The following CHD1L variants were observed in gnomAD, a reference collection of about 807,000 sequenced individuals.
The protein encoded by CHD1L is chromodomain helicase DNA binding protein 1 like, also known as ATP-dependent chromatin remodeler CHD1L.
In CHD1L, 118 loss-of-function variants were observed where a neutral mutation model predicts 115.9. That is an observed-to-expected ratio of 1.02 (90% CI 0.88 to 1.19). CHD1L has a LOEUF of 1.19. Among genes scored for constraint, CHD1L ranks in the 50% most tolerant of loss-of-function variants. CHD1L has a pLI of 0.00. For missense variants in CHD1L, 1,179 were observed against 1,065.3 expected (o/e 1.11, Z -1.49); for synonymous variants, 411 against 387.1 (o/e 1.06, Z -0.72).
the CHD1L span, chr1:147,203,610 C>T: frequency 1.7e-6 from 2 of 1,202,142 alleles, no homozygotes; most frequent in South Asian, 1.2e-5. Flanking sequence ...AACGCCTCAG[C>T]AAACTTCTTA....
At chr1:147,272,043 C>T (rs1676441152) in intron 11 of CHD1L, 128 bp from the exon 12 acceptor site, 2 of 607,034 alleles carry the variant, frequency 3.3e-6, no homozygotes, top group South Asian at 2.6e-5. Context: ...TTGGGATTTG[C>T]TTAAAGTAGG....
Position 147,256,574 on chromosome 1 carries a change from G to T in CHD1L, c.494+12G>T, listed in dbSNP as rs1346872367. On this transcript the variant is annotated intron_variant, in intron 5 of 22. Transcript: ENST00000369258. ...TCATTTCTAAAATCGTGAGTAGGTT[G>T]TACTATTTAAGAACTTGGGTTGAAT... The T allele has an allele frequency of 1.2e-6, 2 of 1,611,370 alleles. No individual in the cohort carries two copies. The highest frequency in any genetic ancestry group is 1.1e-5 in the South Asian group (1 of 90,752).
chr1:147,294,656 G>A, intron 22 of CHD1L, 139 bp downstream of exon 22: 1 of 567,820 alleles, frequency 1.8e-6, no homozygotes, highest in Non-Finnish European at 3.0e-6. Flanking sequence ...GTGAGACAAA[G>A]AAAGAAGCAC....
In CHD1L at chr1:147,242,782, G is replaced by A. The variant is rs1665130885; in HGVS notation, c.79G>A (p.Glu27Lys). 2.4e-6 allele frequency: 3 copies of A among 1,272,164 alleles called. No individual in the cohort carries two copies. Among genetic ancestry groups the A allele is most frequent in the African/African-American group, 1.5e-5 (1 of 65,600 alleles). The allele number at this position is 1,272,164 out of a possible 1,614,324, so 78.8% of individuals were successfully genotyped here. Residue 27 changes from glutamate (E) to lysine (K), a missense_variant, in exon 1 of 23, where the codon GAG becomes AAG. Coordinates refer to ENST00000369258, the MANE Select transcript of CHD1L (RefSeq NM_004284.6). ...GCGGCTTCATACTGAGGGCCGAGCC[G>A]AGGCGGCGCGGGTGCAGGAGCAGGA... Reference protein sequence around the residue: ...LLRLHTEGRAEAARVQEQDLR... With the variant: ...LLRLHTEGRAKAARVQEQDLR...
At chr1:147,260,221 G>A in intron 6 of CHD1L, 1 of 233,608 alleles carries the variant, frequency 4.3e-6, no homozygotes. Context: ...CATTCTGTAG[G>A]TTTGGACAAA....
In CHD1L at chr1:147,242,711, G is replaced by T; in HGVS notation, c.8G>T (p.Arg3Leu). The T allele has an allele frequency of 7.9e-7, 1 of 1,258,486 alleles. No homozygotes were observed. The allele number at this position is 1,258,486 out of a possible 1,614,324, so 78.0% of individuals were successfully genotyped here. The change falls in exon 1 of 23, where the codon CGC (arginine) becomes CTC (leucine). Residue 3 changes from arginine to leucine, a missense_variant. Arg to Leu is a moderately radical substitution (Grantham distance 102, BLOSUM62 -2). Coordinates refer to ENST00000369258, the MANE Select transcript of CHD1L (RefSeq NM_004284.6). The stretch of plus-strand genomic sequence containing the variant: ...GGGGCCTCTACCGGCCCGATGGAGC[G>T]CGCGGGCGCTACTAGCCGCGGGGGC... Reference protein sequence around the residue: MERAGATSRGGQA... With the variant: MELAGATSRGGQA...
chr1:147,241,094 C>T (rs1191131985), upstream of CHD1L, among the ~76,000 whole-genome samples: 1 of 151,974 alleles, frequency 6.6e-6, no homozygotes, highest in African/African-American at 2.4e-5. Flanking sequence ...TATTGCTTGT[C>T]TCCTCCTTTT....
chr1:147,222,350 A>T, the CHD1L span, among the ~76,000 whole-genome samples: 1 of 152,246 alleles, frequency 6.6e-6, no homozygotes, highest in Non-Finnish European at 1.5e-5. Context: ...CCTGGGTAAC[A>T]GAGTGAGACT....
chr1:147,243,702 A>T (rs1665668774), intron 1 of CHD1L, among the ~76,000 whole-genome samples: 1 of 152,172 alleles, frequency 6.6e-6, no homozygotes, highest in Admixed American at 6.5e-5. Context: ...CAGTAATAAT[A>T]CAGTCGTTTA....
intron 12 of CHD1L, 64 bp from the exon 13 acceptor site, chr1:147,275,290 G>A: frequency 1.6e-6 from 2 of 1,222,794 alleles, no homozygotes; most frequent in South Asian, 1.2e-5. Context: ...CTCTAGCCTT[G>A]TGCTTATTTT....
intron 12 of CHD1L, 79 bp from the exon 13 acceptor site, chr1:147,275,275 A>AC (rs1677907373): frequency 2.0e-6 from 2 of 1,014,750 alleles, no homozygotes; most frequent in African/African-American, 3.2e-5. Flanking sequence ...TATCAGTCTG[A>AC]CCCACTCTAG....
the CHD1L span, among the ~76,000 whole-genome samples, chr1:147,236,933 C>T: frequency 1.1e-4 from 16 of 152,336 alleles, no homozygotes; most frequent in African/African-American, 3.4e-4. Flanking sequence ...GGTAGGTCTT[C>T]ACCGGTGACC....
chr1:147,295,363 A>G, intron 22 of CHD1L, 68 bp from the exon 23 acceptor site: 2 of 987,010 alleles, frequency 2.0e-6, no homozygotes, highest in Non-Finnish European at 3.2e-6. Flanking sequence ...TAATTACTAG[A>G]GAACTAGTCG....
chr1:147,263,695 CCTT>C (rs1156684833), intron 6 of CHD1L, among the ~76,000 whole-genome samples: 4 of 151,810 alleles, frequency 2.6e-5, no homozygotes, highest in African/African-American at 7.3e-5. Flanking sequence ...ACCTTCCTAA[CCTT>C]CTACTTCATG....
At chr1:147,276,278 C>A (rs374253741) in intron 14 of CHD1L, 21 bp downstream of exon 14, 1 of 1,613,350 alleles carries the variant, frequency 6.2e-7, no homozygotes, top group South Asian at 1.1e-5. Flanking sequence ...ATATACTGTT[C>A]TTCACTTTGG....
chr1:147,291,360 AG>A lies in CHD1L; in HGVS notation c.2321-119del, dbSNP rs1323317494. ...TTGACTGAGGCCAGGAAAGTGAGAA[AG>A]GGCTGTGTAGGAAGGTGGGTCCTGA... On this transcript the variant is annotated intron_variant, in intron 19 of 22. Coordinates refer to ENST00000369258, the MANE Select transcript of CHD1L (RefSeq NM_004284.6). The A allele has an allele frequency of 6.6e-6, 5 of 758,252 alleles. No individual in the cohort carries two copies. The African/African-American group carries it at 8.6e-5, about 13-fold the overall frequency. 47.0% of individuals were successfully genotyped at this position (758,252 alleles called of 1,614,324 possible). A position where few individuals can be genotyped will look rare whatever the true frequency, so the allele number is the denominator to read the frequency against.
intron 1 of CHD1L, among the ~76,000 whole-genome samples, chr1:147,248,445 A>C (rs1667332994): frequency 6.6e-6 from 1 of 151,940 alleles, no homozygotes; most frequent in African/African-American, 2.4e-5. Context: ...CTACCTCAGG[A>C]GATCCTCCCG....
intron 10 of CHD1L, among the ~76,000 whole-genome samples, chr1:147,270,159 C>T (rs1675575355): frequency 6.6e-6 from 1 of 152,206 alleles, no homozygotes; most frequent in Admixed American, 6.5e-5. Context: ...TTTCCTCTTA[C>T]ACTTGTTGCA....
the CHD1L span, among the ~76,000 whole-genome samples, chr1:147,196,512 A>G: frequency 2.6e-5 from 4 of 152,054 alleles, no homozygotes; most frequent in African/African-American, 9.7e-5. Flanking sequence ...AAAAAACCCT[A>G]TCTATTACCC....
Sources: allele counts gnomAD v4.1 joint callset (sites outside exome capture counted in the v4.1 genomes callset), GRCh38; gene constraint gnomAD v4.1.1; transcripts MANE v1.5; gene names NCBI Gene and HGNC (gene_info 2026-07-23, HGNC 2026-07-21).